Variants in NKAIN2 observed in about 807,000 individuals in gnomAD.
NKAIN2 encodes sodium/potassium transporting ATPase interacting 2, also known as sodium/potassium-transporting ATPase subunit beta-1-interacting protein 2.
Under a neutral mutation model 32.6 loss-of-function variants are expected in NKAIN2, and 14 were observed. The observed-to-expected ratio is 0.43, with a 90% CI of 0.28 to 0.67. The LOEUF is 0.67. Ranked by LOEUF, NKAIN2 falls within the 30% of genes least tolerant of loss-of-function variation. NKAIN2 has a pLI of 0.17. For synonymous variants in NKAIN2, 80 were observed against 87.2 expected, an observed-to-expected ratio of 0.92 and a Z score of 0.46; for missense variants, 198 against 258.3, an observed-to-expected ratio of 0.77 and a Z score of 1.60.
intron 1 of NKAIN2, among the ~76,000 whole-genome samples, chr6:123,966,355 T>G (rs1266962514): frequency 6.6e-6 from 1 of 152,180 alleles, no homozygotes; most frequent in Non-Finnish European, 1.5e-5. Flanking sequence ...AATCATGTCC[T>G]TCCCCCAGTA....
rs565606305 is a variant in NKAIN2 at position 124,283,030 on chromosome 6, T to A, written c.80T>A (p.Phe27Tyr). ...GTTTGTGTGCTGGAGAGGCAAATAT[T>A]TGACTTCCTTGGATATCAGTGGGCA... ...QLVCVLERQIFDFLGYQWAPI... is the reference protein window; with the variant it reads ...QLVCVLERQIYDFLGYQWAPI... Residue 27 changes from phenylalanine (F) to tyrosine (Y), a missense_variant, in exon 2 of 7, where the codon TTT becomes TAT. By Grantham distance (22) the Phe-to-Tyr change is conservative. Coordinates refer to ENST00000368417, the MANE Select transcript of NKAIN2 (RefSeq NM_001040214.3). The A allele has an allele frequency of 2.5e-6, 4 of 1,613,846 alleles. No homozygotes were observed. The South Asian group carries it at 4.4e-5, about 18-fold the overall frequency.
intron 1 of NKAIN2, among the ~76,000 whole-genome samples, chr6:124,103,807 G>C (rs895641427): frequency 6.6e-6 from 1 of 151,956 alleles, no homozygotes; most frequent in African/African-American, 2.4e-5. Flanking sequence ...TGAACCTGGG[G>C]CCGGGTGCGG....
chr6:124,344,294 A>C (rs1187990568), intron 2 of NKAIN2, among the ~76,000 whole-genome samples: 4 of 152,136 alleles, frequency 2.6e-5, no homozygotes, highest in African/African-American at 9.7e-5. Context: ...CTTTTGGCTT[A>C]GGATTCACTT....
chr6:124,609,050 G>T (rs1782597785), intron 3 of NKAIN2, among the ~76,000 whole-genome samples: 1 of 152,138 alleles, frequency 6.6e-6, no homozygotes, highest in African/African-American at 2.4e-5. Context: ...TAAGAGCTTG[G>T]AAACCTCAGT....
In NKAIN2 at chr6:123,825,789, A is replaced by G. The variant is rs144219252; in HGVS notation, c.54+21535A>G. Among the ~76,000 whole-genome samples the G allele has an allele frequency of 1.1e-3, 160 of 152,236 alleles. 2 individuals are homozygous for G. The East Asian group carries it at 0.015, about 15-fold the overall frequency. On this transcript the variant is annotated intron_variant, in intron 1 of 6. Transcript: ENST00000368417. ...TTTAGAGATTTCCTTTGCTTTAAAA[A>G]CAATGATAAAAACCCTCATGCAGCA... is the stretch of plus-strand genomic sequence containing the variant.
intron 3 of NKAIN2, among the ~76,000 whole-genome samples, chr6:124,504,996 T>A (rs763319590): frequency 6.6e-6 from 1 of 152,224 alleles, no homozygotes; most frequent in Non-Finnish European, 1.5e-5. Flanking sequence ...GATGAGACTG[T>A]TGCTGAAGGA....
At chr6:124,152,742 T>C (rs1787794352) in intron 1 of NKAIN2, among the ~76,000 whole-genome samples, 1 of 151,908 alleles carries the variant, frequency 6.6e-6, no homozygotes, top group African/African-American at 2.4e-5. Flanking sequence ...GTGGGCAAGA[T>C]AGGGGCTCAA....
intron 1 of NKAIN2, among the ~76,000 whole-genome samples, chr6:124,209,715 G>C (rs1311393474): frequency 6.6e-6 from 1 of 151,804 alleles, no homozygotes; most frequent in African/African-American, 2.4e-5. Flanking sequence ...TAATGAGGTT[G>C]AGCATTTTTT....
intron 4 of NKAIN2, among the ~76,000 whole-genome samples, chr6:124,776,312 A>G (rs910974591): frequency 1.3e-5 from 2 of 152,162 alleles, no homozygotes; most frequent in Non-Finnish European, 2.9e-5. Context: ...TGCTGACAGT[A>G]CCATGCTTGA....
intron 1 of NKAIN2, among the ~76,000 whole-genome samples, chr6:124,241,553 C>G (rs1421883849): frequency 2.6e-5 from 4 of 152,072 alleles, no homozygotes; most frequent in African/African-American, 7.2e-5. Flanking sequence ...ATATATAGAC[C>G]AGTGAAACAG....
intron 1 of NKAIN2, among the ~76,000 whole-genome samples, chr6:123,852,718 A>G (rs1775401732): frequency 6.6e-6 from 1 of 152,220 alleles, no homozygotes; most frequent in African/African-American, 2.4e-5. Context: ...AACGTGGAGA[A>G]CATTATGTTA....
chr6:124,387,426 C>T (rs1030051377), intron 3 of NKAIN2, among the ~76,000 whole-genome samples: 3 of 151,872 alleles, frequency 2.0e-5, no homozygotes, highest in Non-Finnish European at 4.4e-5. Flanking sequence ...GTCATATAAA[C>T]AAAGCATCAG....
chr6:124,642,949 G>A (rs1429353730), intron 3 of NKAIN2, among the ~76,000 whole-genome samples: 2 of 152,084 alleles, frequency 1.3e-5, no homozygotes, highest in Non-Finnish European at 2.9e-5. Flanking sequence ...TATCCTTGTA[G>A]AACTCAGGAG....
At chr6:124,503,665 C>T (rs1000432347) in intron 3 of NKAIN2, among the ~76,000 whole-genome samples, 1 of 151,964 alleles carries the variant, frequency 6.6e-6, no homozygotes, top group African/African-American at 2.4e-5. Context: ...AGATATTTAC[C>T]AAACACCTAC....
intron 1 of NKAIN2, among the ~76,000 whole-genome samples, chr6:124,084,647 A>T (rs532868364): frequency 1.3e-5 from 2 of 152,082 alleles, no homozygotes; most frequent in African/African-American, 4.8e-5. Flanking sequence ...TATCCAGGAA[A>T]GTCCGGGAAA....
chr6:124,232,052 T>TA (rs1792490614), intron 1 of NKAIN2, among the ~76,000 whole-genome samples: 1 of 152,150 alleles, frequency 6.6e-6, no homozygotes, highest in South Asian at 2.1e-4. Context: ...ACATCTGACT[T>TA]ACACAAGATC....
At chr6:123,938,295 C>G (rs1321278669) in intron 1 of NKAIN2, among the ~76,000 whole-genome samples, 1 of 149,626 alleles carries the variant, frequency 6.7e-6, no homozygotes, top group Non-Finnish European at 1.5e-5. Flanking sequence ...TTTATTTGAA[C>G]ACTTCATGTT....
At chr6:124,740,447 C>CGTGTGTGTGTGTGTGT (rs56154164) in intron 4 of NKAIN2, among the ~76,000 whole-genome samples, 68 of 143,852 alleles carry the variant, frequency 4.7e-4, no homozygotes, top group Middle Eastern at 3.5e-3. Context: ...CACATATACA[C>CGTGTGTGTGTGTGTGT]GTGTGTGTGT....
At chr6:123,842,117 A>G (rs1774897394) in intron 1 of NKAIN2, among the ~76,000 whole-genome samples, 1 of 152,210 alleles carries the variant, frequency 6.6e-6, no homozygotes, top group South Asian at 2.1e-4. Context: ...CAAGGTGGTA[A>G]AATAATGCTA....
Sources: allele counts gnomAD v4.1 joint callset (sites outside exome capture counted in the v4.1 genomes callset), GRCh38; gene constraint gnomAD v4.1.1; transcripts MANE v1.5; gene names NCBI Gene and HGNC (gene_info 2026-07-23, HGNC 2026-07-21).